The following RPGRIP1L variants were observed in gnomAD, a reference collection of about 807,000 sequenced individuals.
RPGRIP1L encodes protein fantom.
Under a neutral mutation model 160.4 loss-of-function variants are expected in RPGRIP1L, and 131 were observed. The observed-to-expected ratio is 0.82, with a 90% CI of 0.71 to 0.94. The LOEUF (loss-of-function observed/expected upper bound fraction) is 0.94, where lower values mean the gene tolerates loss of function less well. Ranked by LOEUF, RPGRIP1L falls within the 40% of genes least tolerant of loss-of-function variation. RPGRIP1L has a pLI of 0.00. For synonymous variants in RPGRIP1L, 510 were observed against 515.8 expected, an observed-to-expected ratio of 0.99 and a Z score of 0.15; for missense variants, 1,522 against 1,535.8, an observed-to-expected ratio of 0.99 and a Z score of 0.15.
chr16:53,662,859 G>T (rs1010216250), intron 10 of RPGRIP1L, among the ~76,000 whole-genome samples: 11 of 151,988 alleles, frequency 7.2e-5, no homozygotes, highest in African/African-American at 2.7e-4. Context: ...AAAAATTTGT[G>T]TGGAAAGATA....
chr16:53,684,975 A>G (rs1969889266), intron 6 of RPGRIP1L, among the ~76,000 whole-genome samples: 2 of 152,216 alleles, frequency 1.3e-5, no homozygotes, highest in South Asian at 4.1e-4. Flanking sequence ...TGACAAAGGT[A>G]TAATATCCAG....
intron 4 of RPGRIP1L, among the ~76,000 whole-genome samples, chr16:53,690,153 A>C (rs1970286252): frequency 1.3e-5 from 2 of 152,194 alleles, no homozygotes; most frequent in Non-Finnish European, 2.9e-5. Flanking sequence ...TAAATGATCT[A>C]ATTAGACTTC....
intron 6 of RPGRIP1L, among the ~76,000 whole-genome samples, chr16:53,675,996 G>A (rs1383917958): frequency 6.6e-6 from 1 of 151,958 alleles, no homozygotes; most frequent in African/African-American, 2.4e-5. Context: ...AAAAATAAAT[G>A]TAAAAAATTT....
intron 15 of RPGRIP1L, among the ~76,000 whole-genome samples, chr16:53,649,921 C>T (rs572855743): frequency 6.6e-6 from 1 of 152,296 alleles, no homozygotes; most frequent in African/African-American, 2.4e-5. Flanking sequence ...ATAAAGGCTA[C>T]TTAATATTTG....
intron 2 of RPGRIP1L, among the ~76,000 whole-genome samples, chr16:53,696,763 C>A (rs1439779071): frequency 2.0e-5 from 3 of 152,228 alleles, no homozygotes; most frequent in East Asian, 1.9e-4. Flanking sequence ...AAGACCAAAT[C>A]AAAAAACCCC....
At chr16:53,624,305 C>G (rs1283378298) in intron 22 of RPGRIP1L, among the ~76,000 whole-genome samples, 1 of 152,186 alleles carries the variant, frequency 6.6e-6, no homozygotes, top group Non-Finnish European at 1.5e-5. Flanking sequence ...GTAATCCCAG[C>G]ACTTTGGGAG....
intron 14 of RPGRIP1L, chr16:53,653,233 G>A (rs1046616909): frequency 2.5e-6 from 2 of 810,908 alleles, no homozygotes; most frequent in African/African-American, 1.9e-5. Context: ...CAGGAAAAAG[G>A]GGAGAAAAAT....
intron 14 of RPGRIP1L, among the ~76,000 whole-genome samples, chr16:53,653,869 C>CA (rs1455919564): frequency 3.3e-5 from 5 of 152,286 alleles, no homozygotes; most frequent in Admixed American, 3.3e-4. Context: ...TTTATCTTCT[C>CA]AACTCCATTC....
chr16:53,636,159 G>A (rs1965820024), intron 22 of RPGRIP1L, among the ~76,000 whole-genome samples: 1 of 152,168 alleles, frequency 6.6e-6, no homozygotes, highest in Non-Finnish European at 1.5e-5. Context: ...TCTTGAAAAG[G>A]AGTCAAGAAG....
chr16:53,677,420 C>T (rs1969267191), intron 6 of RPGRIP1L, among the ~76,000 whole-genome samples: 1 of 151,910 alleles, frequency 6.6e-6, no homozygotes, highest in Non-Finnish European at 1.5e-5. Context: ...GTTTTAGGGA[C>T]TTTATTATTA....
intron 24 of RPGRIP1L, among the ~76,000 whole-genome samples, chr16:53,617,001 A>T (rs574462046): frequency 6.9e-6 from 1 of 144,374 alleles, no homozygotes; most frequent in East Asian, 2.2e-4. Context: ...AAACCCAGGA[A>T]GTGGAGGTTG....
chr16:53,698,716 T>TG (rs1248822576), intron 2 of RPGRIP1L, among the ~76,000 whole-genome samples: 6 of 110,668 alleles, frequency 5.4e-5, no homozygotes, highest in African/African-American at 7.4e-5. Context: ...GGGAGGGAGG[T>TG]GGGGGGGTCA....
intron 10 of RPGRIP1L, 71 bp downstream of exon 10, chr16:53,664,799 A>G: frequency 5.2e-6 from 8 of 1,527,656 alleles, no homozygotes; most frequent in Non-Finnish European, 7.2e-6. Flanking sequence ...CACCAGAGTA[A>G]GTACTGACTG....
At chr16:53,642,434 A>C (rs1324667097) in intron 17 of RPGRIP1L, among the ~76,000 whole-genome samples, 1 of 145,604 alleles carries the variant, frequency 6.9e-6, no homozygotes, top group Non-Finnish European at 1.5e-5. Flanking sequence ...GGCTGGCTGG[A>C]AAAAAAAAAA....
chr16:53,678,594 T>C (rs1238863625), intron 6 of RPGRIP1L, among the ~76,000 whole-genome samples: 2 of 151,946 alleles, frequency 1.3e-5, no homozygotes, highest in Non-Finnish European at 2.9e-5. Flanking sequence ...TGCTACCATA[T>C]TATGAAAGCT....
intron 22 of RPGRIP1L, among the ~76,000 whole-genome samples, chr16:53,627,936 T>C (rs1598270861): frequency 6.6e-6 from 1 of 152,352 alleles, no homozygotes; most frequent in South Asian, 2.1e-4. Flanking sequence ...TTATGTTACA[T>C]TGTTTACAAT....
At chr16:53,641,137 T>A in intron 18 of RPGRIP1L, 21 bp from the exon 19 acceptor site, 1 of 1,594,202 alleles carries the variant, frequency 6.3e-7, no homozygotes, top group Non-Finnish European at 8.6e-7. Flanking sequence ...CCAACCAATG[T>A]GTCAGACTGA....
intron 15 of RPGRIP1L, among the ~76,000 whole-genome samples, 199 bp downstream of exon 15, chr16:53,652,336 G>A (rs568936023): frequency 1.3e-5 from 2 of 152,178 alleles, no homozygotes; most frequent in African/African-American, 4.8e-5. Context: ...GCCTCCCAAA[G>A]TGCTGGGATT....
chr16:53,621,716 C>T (rs1481053479), intron 23 of RPGRIP1L, among the ~76,000 whole-genome samples: 1 of 152,084 alleles, frequency 6.6e-6, no homozygotes, highest in Non-Finnish European at 1.5e-5. Flanking sequence ...TGTGTTCAAG[C>T]CCCTCTGATT....
Sources: allele counts gnomAD v4.1 joint callset (sites outside exome capture counted in the v4.1 genomes callset), GRCh38; gene constraint gnomAD v4.1.1; transcripts MANE v1.5; gene names NCBI Gene and HGNC (gene_info 2026-07-23, HGNC 2026-07-21).